The following CDS2 variants were observed in gnomAD, a reference collection of about 807,000 sequenced individuals.
CDS2 encodes the protein phosphatidate cytidylyltransferase 2.
Under a neutral mutation model 59.0 loss-of-function variants are expected in CDS2, and 47 were observed. The ratio of observed to expected loss-of-function variants is 0.80; its 90% CI spans 0.63 to 1.02. The LOEUF (loss-of-function observed/expected upper bound fraction) is 1.02, where lower values mean the gene tolerates loss of function less well. CDS2 is among the 50% of genes least tolerant of loss of function. The pLI, the probability that CDS2 is intolerant of heterozygous loss-of-function variation, is 0.00. For missense variants in CDS2, 356 were observed against 558.9 expected, an observed-to-expected ratio of 0.64 and a Z score of 3.66; for synonymous variants, 207 against 206.4, an observed-to-expected ratio of 1.00 and a Z score of -0.02.
intron 7 of CDS2, 95 bp downstream of exon 7, chr20:5,183,238 C>A: frequency 1.0e-6 from 1 of 982,126 alleles, no homozygotes; most frequent in Non-Finnish European, 1.6e-6. Flanking sequence ...CCTTGAGCCA[C>A]ATCAGAATCC....
chr20:5,175,331 C>A, intron 3 of CDS2, 52 bp downstream of exon 3: 1 of 1,428,450 alleles, frequency 7.0e-7, no homozygotes, highest in Non-Finnish European at 9.9e-7. Flanking sequence ...TTGCTGCAGG[C>A]CCGGTTGTCT....
intron 1 of CDS2, among the ~76,000 whole-genome samples, chr20:5,148,923 C>A (rs1469313159): frequency 6.6e-6 from 1 of 152,212 alleles, no homozygotes; most frequent in Admixed American, 6.5e-5. Context: ...TGAAAACATA[C>A]CACTAAGGAG....
chr20:5,129,437 C>T (rs957928693), intron 1 of CDS2, among the ~76,000 whole-genome samples: 6 of 149,346 alleles, frequency 4.0e-5, no homozygotes, highest in South Asian at 2.1e-4. Flanking sequence ...CCACCACGCT[C>T]GGCTAATTTT....
intron 1 of CDS2, among the ~76,000 whole-genome samples, chr20:5,137,214 TG>T (rs1336264949): frequency 6.6e-6 from 1 of 151,096 alleles, no homozygotes; most frequent in Non-Finnish European, 1.5e-5. Flanking sequence ...ACCTCTGAAA[TG>T]TGTTCTTTCT....
chr20:5,183,474 C>CTAGA (rs1645476858), intron 7 of CDS2, among the ~76,000 whole-genome samples: 1 of 152,128 alleles, frequency 6.6e-6, no homozygotes. Context: ...ATTTGAAAAC[C>CTAGA]TAGAGGAAAT....
rs2091137989 is a variant in CDS2 at position 5,194,021 on chromosome 20, A to G, written c.*3787A>G. On this transcript the variant is annotated 3_prime_UTR_variant, in exon 13 of 13. Coordinates refer to ENST00000460006, the MANE Select transcript of CDS2 (RefSeq NM_003818.4). ...TCAGGGTGGGGAGGATGTCCAGGTGACTTTTATGGACACATTGCAAGACAG... is the reference window on the plus strand; with the variant it reads ...TCAGGGTGGGGAGGATGTCCAGGTGGCTTTTATGGACACATTGCAAGACAG... 1.3e-5 allele frequency: 2 copies of G among 152,096 alleles called. No homozygotes were observed. Among genetic ancestry groups the G allele is most frequent in the East Asian group, 1.9e-4 (1 of 5,192 alleles). The allele number at this position is 152,096 out of a possible 1,614,324, so 9.4% of individuals were successfully genotyped here.
chr20:5,140,921 T>C lies in CDS2; in HGVS notation c.57+13772T>C, dbSNP rs1471217773. On this transcript the variant is annotated intron_variant, in intron 1 of 12. Transcript: ENST00000460006. ...GGACCTGGTTGCTTTAGTAAATAAG[T>C]GTGTGTGTGTAAATTTCTTTTTCCA... Among the ~76,000 whole-genome samples the C allele has an allele frequency of 4.6e-5, 7 of 152,132 alleles. No individual in the cohort carries two copies. The South Asian group carries it at 1.4e-3, about 31-fold the overall frequency.
intron 8 of CDS2, 80 bp downstream of exon 8, chr20:5,185,025 C>G: frequency 9.9e-7 from 1 of 1,007,382 alleles, no homozygotes. Flanking sequence ...GCCTGGCAGA[C>G]AGAAGAAATC....
chr20:5,142,112 A>C (rs6038074), intron 1 of CDS2, among the ~76,000 whole-genome samples: 2,021 of 152,288 alleles, frequency 0.013, 52 homozygotes, highest in African/African-American at 0.044. Context: ...CCAGGAGTTC[A>C]AGACAAGCCT....
intron 1 of CDS2, among the ~76,000 whole-genome samples, chr20:5,152,534 G>A (rs2090800963): frequency 6.6e-6 from 1 of 152,164 alleles, no homozygotes; most frequent in African/African-American, 2.4e-5. Flanking sequence ...TTGAGATCAG[G>A]AGTTCGAGAC....
At chr20:5,153,063 G>A (rs2090805300) in intron 1 of CDS2, among the ~76,000 whole-genome samples, 1 of 152,056 alleles carries the variant, frequency 6.6e-6, no homozygotes, top group Non-Finnish European at 1.5e-5. Flanking sequence ...ACAATATTTT[G>A]TCTGGATTGT....
chr20:5,194,376 C>G lies in CDS2; in HGVS notation c.*4142C>G, dbSNP rs951837420. The stretch of plus-strand genomic sequence containing the variant: ...CAGGGCTCTGCCTGGCCCACCTTCT[C>G]TTGGGCCTGGACTCTCCTTATCCAC... On this transcript the variant is annotated 3_prime_UTR_variant, in exon 13 of 13. Coordinates refer to ENST00000460006, the MANE Select transcript of CDS2 (RefSeq NM_003818.4). 6.6e-6 allele frequency: 1 copy of G among 152,250 alleles called. No individual in the cohort carries two copies. Among genetic ancestry groups the G allele is most frequent in the African/African-American group, 2.4e-5 (1 of 41,458 alleles). 9.4% of individuals were successfully genotyped at this position (152,250 alleles called of 1,614,324 possible).
intron 1 of CDS2, among the ~76,000 whole-genome samples, chr20:5,167,762 G>C (rs2090923568): frequency 6.6e-6 from 1 of 152,182 alleles, no homozygotes; most frequent in African/African-American, 2.4e-5. Context: ...TGGAGGCCAT[G>C]GTATTCAGCA....
At chr20:5,173,489 T>A (rs765817046) in intron 1 of CDS2, 34 bp from the exon 2 acceptor site, 1 of 1,612,716 alleles carries the variant, frequency 6.2e-7, no homozygotes, top group Non-Finnish European at 8.5e-7. Context: ...TCGGCACTTT[T>A]GACCTTTTTC....
intron 3 of CDS2, chr20:5,175,533 A>C (rs2090988702): frequency 2.6e-5 from 9 of 344,096 alleles, no homozygotes; most frequent in Non-Finnish European, 5.5e-6. Flanking sequence ...ATTGCCTGTG[A>C]TCCCAGCACT....
chr20:5,173,517 A>T lies in CDS2; in HGVS notation c.58-6A>T. ...CCTTTTTCTCTTCTGTATTTCTGCC[A>T]CTTAGGAGTCAGAGTCAGAAGCAAA... On this transcript the variant is annotated splice_polypyrimidine_tract_variant and splice_region_variant and intron_variant, in intron 1 of 12. Transcript: ENST00000460006. The T allele has an allele frequency of 6.2e-7, 1 of 1,614,052 alleles. No individual in the cohort carries two copies. Among genetic ancestry groups the T allele is most frequent in the Non-Finnish European group, 8.5e-7 (1 of 1,179,914 alleles).
chr20:5,160,504 C>T (rs1183385593), intron 1 of CDS2, among the ~76,000 whole-genome samples: 2 of 152,124 alleles, frequency 1.3e-5, no homozygotes, highest in African/African-American at 2.4e-5. Flanking sequence ...AGTATAGTAG[C>T]CACTAGCCAC....
intron 2 of CDS2, among the ~76,000 whole-genome samples, chr20:5,174,532 C>A (rs1394458497): frequency 6.6e-6 from 1 of 151,930 alleles, no homozygotes; most frequent in African/African-American, 2.4e-5. Context: ...GTCAGGAGAT[C>A]GAGACCATGG....
intron 1 of CDS2, among the ~76,000 whole-genome samples, chr20:5,143,147 AAT>A (rs1421440725): frequency 6.6e-6 from 1 of 152,124 alleles, no homozygotes; most frequent in Non-Finnish European, 1.5e-5. Context: ...CCCAGCCAAA[AAT>A]GGGCACTTCA....
Sources: allele counts gnomAD v4.1 joint callset (sites outside exome capture counted in the v4.1 genomes callset), GRCh38; gene constraint gnomAD v4.1.1; transcripts MANE v1.5; gene names NCBI Gene and HGNC (gene_info 2026-07-23, HGNC 2026-07-21).